The following TRPM8 variants were observed in gnomAD, a reference collection of about 807,000 sequenced individuals.
TRPM8 encodes transient receptor potential cation channel subfamily M member 8, also known as TRPM8 cationic channel.
A neutral mutation model predicts 133.7 loss-of-function variants in TRPM8; 110 were observed. That is an observed-to-expected ratio of 0.82 (90% CI 0.70 to 0.96). TRPM8 has a LOEUF of 0.96. TRPM8 is among the 40% of genes least tolerant of loss of function. The probability of loss-of-function intolerance (pLI) is 0.00; values close to 1 mark genes in which losing one functional copy is unlikely to be tolerated. For missense variants in TRPM8, 1,291 were observed against 1,379.5 expected (o/e 0.94, Z 1.02); for synonymous variants, 535 against 532.3 (o/e 1.01, Z -0.07).
intron 12 of TRPM8, among the ~76,000 whole-genome samples, chr2:233,962,717 T>C (rs1254799068): frequency 6.6e-6 from 1 of 152,236 alleles, no homozygotes; most frequent in Non-Finnish European, 1.5e-5. Context: ...TATACATTGG[T>C]AAAACCTGTA....
At position 233,996,489 on chromosome 2, in the gene TRPM8, G is replaced by T. The variant is rs764111795; in HGVS notation, c.3103G>T (p.Glu1035Ter). Reference protein sequence around the residue: ...VKKCFKCCCKEKNMESSVCCF... With the variant: ...VKKCFKCCCK ...GAAGTGCTTCAAGTGTTGCTGCAAG[G>T]AGAAAAACATGGAGTCTTCTGTCTG... The change falls in exon 22 of 26, where the codon GAG (glutamate) becomes TAG (stop). Residue 1035 changes from glutamate (E) to a stop codon, truncating the protein, a stop_gained. Coordinates refer to ENST00000324695, the MANE Select transcript of TRPM8 (RefSeq NM_024080.5). LOFTEE classifies it high-confidence loss of function. The T allele has an allele frequency of 4.3e-6, 7 of 1,614,178 alleles. No individual in the cohort carries two copies. The South Asian group carries it at 7.7e-5, about 18-fold the overall frequency.
In TRPM8 at chr2:233,937,375, T is replaced by C; in HGVS notation, c.214T>C (p.Tyr72His). ...CAGGGAGAATGTGTGCAAGTGTGGC[T>C]ATGCCCAGAGCCAGCACATGGAAGG... ...KATENVCKCG[Y>H]AQSQHMEGTQ... The change falls in exon 4 of 26, where the codon TAT (tyrosine) becomes CAT (histidine). Residue 72 changes from tyrosine (Y) to histidine (H), a missense_variant. Transcript: ENST00000324695. 1 of 1,614,194 alleles carries C rather than the reference T, an allele frequency of 6.2e-7. No homozygotes were observed. Among genetic ancestry groups the C allele is most frequent in the Non-Finnish European group, 8.5e-7 (1 of 1,180,042 alleles).
chr2:234,006,418 C>T (rs1167202085), intron 22 of TRPM8, among the ~76,000 whole-genome samples: 2 of 152,204 alleles, frequency 1.3e-5, no homozygotes, highest in South Asian at 4.1e-4. Context: ...TTTTCCTCTC[C>T]TCCAGAGCTC....
chr2:233,954,726 T>C (rs1415424479), intron 10 of TRPM8, among the ~76,000 whole-genome samples: 1 of 152,252 alleles, frequency 6.6e-6, no homozygotes, highest in Admixed American at 6.5e-5. Flanking sequence ...GATACATAGA[T>C]GCATAAAATA....
intron 17 of TRPM8, among the ~76,000 whole-genome samples, chr2:233,973,775 G>A (rs1278772959): frequency 1.3e-5 from 2 of 152,204 alleles, no homozygotes; most frequent in Non-Finnish European, 1.5e-5. Context: ...AATGGGAATA[G>A]TCTGTTTGAG....
intron 17 of TRPM8, among the ~76,000 whole-genome samples, chr2:233,979,666 C>T (rs1207347965): frequency 6.6e-6 from 1 of 152,222 alleles, no homozygotes; most frequent in East Asian, 1.9e-4. Context: ...GTCCTTTCTG[C>T]GACCACATCT....
rs1692136121 is a variant in TRPM8 at position 233,985,840 on chromosome 2, G to A, written c.2914G>A (p.Val972Ile). 6.2e-7 allele frequency: 1 copy of A among 1,614,052 alleles called. No homozygotes were observed. Among genetic ancestry groups the A allele is most frequent in the Non-Finnish European group, 8.5e-7 (1 of 1,179,992 alleles). The change falls in exon 21 of 26, where the codon GTC (valine) becomes ATC (isoleucine). Residue 972 changes from valine (V) to isoleucine (I), a missense_variant. Val to Ile is a conservative substitution (Grantham distance 29). This residue lies in a region of TRPM8 where 328 missense variants were observed against 410.6 expected (regional missense o/e 0.80). Transcript: ENST00000324695. Reference protein sequence around the residue: ...IYMLSTNILLVNLLVAMFGYT... With the variant: ...IYMLSTNILLINLLVAMFGYT... ...CATGTTATCCACCAACATCCTGCTG[G>A]TCAACCTGCTGGTCGCCATGTTTGG...
In TRPM8 at chr2:233,927,775, T is replaced by C. The variant is rs10432391; in HGVS notation, c.117+1121T>C. Among the ~76,000 whole-genome samples, 292 of 52,074 alleles carry C rather than the reference T, an allele frequency of 5.6e-3. 14 individuals carry two copies. Among genetic ancestry groups the C allele is most frequent in the African/African-American group, 0.029 (119 of 4,086 alleles). The allele number at this position is 52,074 out of a possible 152,430, so 34.2% of individuals were successfully genotyped here. A position where few individuals can be genotyped will look rare whatever the true frequency, so the allele number is the denominator to read the frequency against. ...CTTTCTTTCTTTCTTTCTTTCTTTC[T>C]TTCTTTCTTTCTTTCTTTTCTTTCC... On this transcript the variant is annotated intron_variant, in intron 2 of 25. Transcript: ENST00000324695.
At chr2:233,958,598 G>A (rs1276344971) in intron 11 of TRPM8, among the ~76,000 whole-genome samples, 1 of 152,176 alleles carries the variant, frequency 6.6e-6, no homozygotes, top group Non-Finnish European at 1.5e-5. Context: ...CAGTGGAAAG[G>A]CCATTGGATT....
chr2:234,003,440 A>G (rs113170227), intron 22 of TRPM8, among the ~76,000 whole-genome samples: 2,494 of 152,290 alleles, frequency 0.016, 49 homozygotes, highest in African/African-American at 0.046. Flanking sequence ...AAAAGCACAA[A>G]AAGTCTTTAT....
chr2:233,930,248 G>A (rs953150463), intron 2 of TRPM8, among the ~76,000 whole-genome samples: 1 of 152,136 alleles, frequency 6.6e-6, no homozygotes, highest in Admixed American at 6.5e-5. Flanking sequence ...TCCCATGGAG[G>A]GATAAATACA....
At chr2:233,967,275 G>C (rs1225754616) in intron 15 of TRPM8, among the ~76,000 whole-genome samples, 1 of 152,226 alleles carries the variant, frequency 6.6e-6, no homozygotes, top group Non-Finnish European at 1.5e-5. Context: ...AAGCTGTCTA[G>C]AGGCTTTCTG....
intron 17 of TRPM8, among the ~76,000 whole-genome samples, chr2:233,971,432 G>T (rs1427389574): frequency 6.6e-6 from 1 of 152,158 alleles, no homozygotes; most frequent in African/African-American, 2.4e-5. Flanking sequence ...AGTGATGTCT[G>T]CCATGGGTAT....
At position 233,989,197 on chromosome 2, in the gene TRPM8, A is replaced by G. The variant is rs886561487; in HGVS notation, c.2939+3332A>G. On this transcript the variant is annotated intron_variant, in intron 21 of 25. Transcript: ENST00000324695. This position sits in a 1 kb window ranked among gnomAD's most constrained non-coding sequence, Gnocchi z 4.2. ...GGCACTTTTGTAATCCATTACCTGC[A>G]TTTTGATAATGAAATGATTGAATTT... 6.6e-6 allele frequency among the ~76,000 whole-genome samples: 1 copy of G among 152,178 alleles called. No homozygotes were observed. Among genetic ancestry groups the G allele is most frequent in the Non-Finnish European group, 1.5e-5 (1 of 68,026 alleles).
chr2:233,924,338 G>A (rs138881664), intron 1 of TRPM8, among the ~76,000 whole-genome samples: 43 of 152,182 alleles, frequency 2.8e-4, no homozygotes, highest in African/African-American at 8.9e-4. Context: ...TGCCTTTCCC[G>A]TTCTATCTCT....
At chr2:233,947,477 A>T in intron 8 of TRPM8, 1 of 1,343,010 alleles carries the variant, frequency 7.4e-7, no homozygotes, top group Non-Finnish European at 9.8e-7. Context: ...GCTATGGCCA[A>T]CCTATCTGCA....
At chr2:234,014,829 C>T (rs1692920967) in intron 25 of TRPM8, 175 bp downstream of exon 25, 5 of 413,310 alleles carry the variant, frequency 1.2e-5, no homozygotes, top group South Asian at 9.4e-5. Flanking sequence ...GTTGAAGTTC[C>T]TCCTCACATT....
At chr2:233,975,467 T>G (rs1691845876) in intron 17 of TRPM8, among the ~76,000 whole-genome samples, 1 of 152,204 alleles carries the variant, frequency 6.6e-6, no homozygotes, top group Admixed American at 6.5e-5. Context: ...TTTCTGCTAC[T>G]TTTCACCCCT....
chr2:233,971,239 C>A (rs1691706324), intron 17 of TRPM8, among the ~76,000 whole-genome samples: 1 of 152,202 alleles, frequency 6.6e-6, no homozygotes, highest in African/African-American at 2.4e-5. Flanking sequence ...TATGATAGAT[C>A]TGGAGGGGGC....
Sources: gnomAD v4.1 joint callset for allele counts (sites outside exome capture counted in the v4.1 genomes callset) on GRCh38, gnomAD v4.1.1 for gene constraint, gnomAD v4.1.1 regional missense constraint, Gnocchi (gnomAD v3.1) non-coding constraint, MANE v1.5 for transcripts, NCBI Gene and HGNC (gene_info 2026-07-23, HGNC 2026-07-21) for gene names.